Variants in KCNQ5 observed in about 807,000 individuals in gnomAD.
KCNQ5 encodes potassium voltage-gated channel subfamily Q member 5.
A neutral mutation model predicts 98.2 loss-of-function variants in KCNQ5; 30 were observed. The observed-to-expected ratio is 0.31, with a 90% confidence interval of 0.23 to 0.41. The LOEUF (loss-of-function observed/expected upper bound fraction) is 0.41, where lower values mean the gene tolerates loss of function less well. Among genes scored for constraint, KCNQ5 ranks in the 10% least tolerant of loss-of-function variants. The probability of loss-of-function intolerance (pLI) is 1.00; values close to 1 mark genes in which losing one functional copy is unlikely to be tolerated. For synonymous variants in KCNQ5, 458 were observed against 449.4 expected, an observed-to-expected ratio of 1.02 and a Z score of -0.24; for missense variants, 835 against 1,182.5, an observed-to-expected ratio of 0.71 and a Z score of 4.31.
intron 1 of KCNQ5, among the ~76,000 whole-genome samples, chr6:72,870,385 C>A (rs562499640): frequency 6.6e-6 from 1 of 152,244 alleles, no homozygotes; most frequent in African/African-American, 2.4e-5. Context: ...AGATGATCTT[C>A]CCACCTCAGC....
intron 1 of KCNQ5, among the ~76,000 whole-genome samples, chr6:72,684,674 C>A (rs952685967): frequency 6.6e-6 from 1 of 152,152 alleles, no homozygotes; most frequent in African/African-American, 2.4e-5. Context: ...CATATGTTAT[C>A]TGTGTAATGC....
chr6:72,674,330 T>C (rs1767295357), intron 1 of KCNQ5, among the ~76,000 whole-genome samples: 1 of 151,994 alleles, frequency 6.6e-6, no homozygotes, highest in African/African-American at 2.4e-5. Flanking sequence ...TAAATGGAGA[T>C]CCTTAAGAAA....
intron 10 of KCNQ5, among the ~76,000 whole-genome samples, chr6:73,142,821 C>T (rs1776776538): frequency 6.6e-6 from 1 of 152,078 alleles, no homozygotes; most frequent in Non-Finnish European, 1.5e-5. Flanking sequence ...GAGGCTGAGG[C>T]AGGAGAATCA....
intron 1 of KCNQ5, among the ~76,000 whole-genome samples, chr6:72,907,675 T>C (rs2150201720): frequency 6.6e-6 from 1 of 152,278 alleles, no homozygotes; most frequent in Non-Finnish European, 1.5e-5. Flanking sequence ...ATACCTTATA[T>C]TTTTATTAAA....
chr6:72,883,439 T>G (rs1206250094), intron 1 of KCNQ5, among the ~76,000 whole-genome samples: 1 of 152,118 alleles, frequency 6.6e-6, no homozygotes, highest in Non-Finnish European at 1.5e-5. Flanking sequence ...AAAAAATCCC[T>G]GAAACATCCA....
At chr6:72,932,681 A>G (rs772751089) in intron 1 of KCNQ5, among the ~76,000 whole-genome samples, 2 of 152,136 alleles carry the variant, frequency 1.3e-5, no homozygotes, top group African/African-American at 4.8e-5. Context: ...CTATTTTAAG[A>G]CCTACATAGC....
intron 1 of KCNQ5, among the ~76,000 whole-genome samples, chr6:72,665,760 G>T (rs1766781500): frequency 6.6e-6 from 1 of 152,174 alleles, no homozygotes; most frequent in South Asian, 2.1e-4. Context: ...ATTATAGGGT[G>T]CCAGAAGTTA....
intron 1 of KCNQ5, among the ~76,000 whole-genome samples, chr6:72,715,500 C>A (rs973318880): frequency 3.9e-5 from 6 of 152,136 alleles, no homozygotes; most frequent in Non-Finnish European, 5.9e-5. Context: ...GAAATTCAGA[C>A]AAGATCACGA....
At chr6:73,090,110 G>A (rs1774174024) in intron 5 of KCNQ5, among the ~76,000 whole-genome samples, 1 of 61,604 alleles carries the variant, frequency 1.6e-5, no homozygotes, top group Non-Finnish European at 6.8e-5. Flanking sequence ...CATTTTTGCA[G>A]GACTAAGGTG....
At chr6:73,025,354 G>A (rs573716864) in intron 2 of KCNQ5, among the ~76,000 whole-genome samples, 9 of 152,288 alleles carry the variant, frequency 5.9e-5, no homozygotes, top group African/African-American at 1.7e-4. Context: ...GGGAGAGGTG[G>A]CTCACGCCTG....
intron 1 of KCNQ5, among the ~76,000 whole-genome samples, chr6:72,646,740 G>A (rs183283319): frequency 6.6e-6 from 1 of 152,224 alleles, no homozygotes; most frequent in African/African-American, 2.4e-5. Context: ...TACATTGCAG[G>A]GTGCTGCCCA....
At chr6:73,043,320 AATCT>A (rs1771802803) in intron 3 of KCNQ5, 1 of 178,072 alleles carries the variant, frequency 5.6e-6, no homozygotes, top group South Asian at 1.4e-4. Context: ...TTCTCAGTTA[AATCT>A]ATCTTAAAAT....
In KCNQ5 at chr6:73,133,496, A is replaced by C; in HGVS notation, c.1323A>C (p.Ser441=). 2.5e-6 allele frequency: 4 copies of C among 1,614,178 alleles called. No individual in the cohort carries two copies. The highest frequency in any genetic ancestry group is 1.6e-4 in the Middle Eastern group (1 of 6,062). Residue 441 remains serine, a synonymous_variant, in exon 10 of 14, where the codon TCA becomes TCC. Transcript: ENST00000370398. ...RGQSIKSRQA[S]VGDRRSPSTD... ...AGAGTATTAAGAGCCGACAAGCCTC[A>C]GTAGGTGACAGGAGGTCCCCAAGCA...
chr6:72,847,629 A>G (rs1217807180), intron 1 of KCNQ5, among the ~76,000 whole-genome samples: 5 of 152,182 alleles, frequency 3.3e-5, no homozygotes, highest in South Asian at 2.1e-4. Context: ...TCCTCTCCCA[A>G]TGAGCTTTGC....
intron 1 of KCNQ5, among the ~76,000 whole-genome samples, chr6:72,879,583 G>A (rs1032503695): frequency 3.3e-5 from 5 of 151,992 alleles, no homozygotes; most frequent in Non-Finnish European, 5.9e-5. Flanking sequence ...TTGTAGAGAC[G>A]TATGTGTCTA....
chr6:72,899,299 A>G (rs1779383141), intron 1 of KCNQ5, among the ~76,000 whole-genome samples: 1 of 152,166 alleles, frequency 6.6e-6, no homozygotes, highest in African/African-American at 2.4e-5. Flanking sequence ...CAACTTGTAC[A>G]TGTACCAATA....
intron 1 of KCNQ5, among the ~76,000 whole-genome samples, chr6:72,940,625 G>A (rs575364164): frequency 1.2e-4 from 18 of 152,290 alleles, no homozygotes; most frequent in African/African-American, 2.9e-4. Context: ...AACCGTTTTC[G>A]TCAGAATAAT....
intron 1 of KCNQ5, among the ~76,000 whole-genome samples, chr6:72,691,484 T>C (rs546710698): frequency 6.6e-6 from 1 of 152,324 alleles, no homozygotes; most frequent in South Asian, 2.1e-4. Context: ...TAGTGGTTGC[T>C]AAGGGCAACT....
At chr6:73,065,710 G>C (rs1181998895) in intron 3 of KCNQ5, among the ~76,000 whole-genome samples, 1 of 152,188 alleles carries the variant, frequency 6.6e-6, no homozygotes, top group South Asian at 2.1e-4. Context: ...GCCTTCCCTT[G>C]AACACACTGA....
Sources: gnomAD v4.1 joint callset for allele counts (sites outside exome capture counted in the v4.1 genomes callset) on GRCh38, gnomAD v4.1.1 for gene constraint, MANE v1.5 for transcripts, NCBI Gene and HGNC (gene_info 2026-07-23, HGNC 2026-07-21) for gene names.